ENPEP: variants seen among roughly 807,000 people sequenced by gnomAD.
ENPEP encodes the protein glutamyl aminopeptidase.
ENPEP carries 103 observed loss-of-function variants against 114.5 expected under a neutral mutation model. The ratio of observed to expected loss-of-function variants is 0.90; its 90% CI spans 0.77 to 1.06. ENPEP has a LOEUF of 1.06. Ranked by LOEUF, ENPEP falls within the 50% of genes least tolerant of loss-of-function variation. The pLI, the probability that ENPEP is intolerant of heterozygous loss-of-function variation, is 0.00. For missense variants in ENPEP, 1,196 were observed against 1,161.3 expected (o/e 1.03, Z -0.43); for synonymous variants, 420 against 422.0 (o/e 1.00, Z 0.06).
intron 10 of ENPEP, among the ~76,000 whole-genome samples, chr4:110,528,694 C>A (rs376788201): frequency 5.3e-5 from 8 of 152,260 alleles, no homozygotes; most frequent in African/African-American, 1.9e-4. Context: ...AGCATATGTG[C>A]CTTTGATAGT....
rs1458006471 is a variant in ENPEP at position 110,476,730 on chromosome 4, G to A, written c.316G>A (p.Val106Met). The change falls in exon 1 of 20, where the codon GTG (valine) becomes ATG (methionine). Residue 106 changes from valine to methionine, a missense_variant. Coordinates refer to ENST00000265162, the MANE Select transcript of ENPEP (RefSeq NM_001977.4). ...CAACCCAGTCCACTACGACCTGCACGTGAAGCCCCTGTTGGAGGAGGACAC... is the reference window on the plus strand; with the variant it reads ...CAACCCAGTCCACTACGACCTGCACATGAAGCCCCTGTTGGAGGAGGACAC... ...FVNPVHYDLH[V>M]KPLLEEDTYT... 8.1e-6 allele frequency: 13 copies of A among 1,613,956 alleles called. No homozygotes were observed. The highest frequency in any genetic ancestry group is 1.1e-5 in the Non-Finnish European group (13 of 1,180,056).
chr4:110,490,552 G>A (rs1014084656), intron 2 of ENPEP, among the ~76,000 whole-genome samples: 3 of 152,168 alleles, frequency 2.0e-5, no homozygotes, highest in African/African-American at 4.8e-5. Flanking sequence ...CATGGAGACC[G>A]AGCCACTGAC....
intron 17 of ENPEP, among the ~76,000 whole-genome samples, chr4:110,551,024 C>G (rs995476252): frequency 3.3e-5 from 5 of 149,334 alleles, no homozygotes; most frequent in Non-Finnish European, 7.4e-5. Flanking sequence ...GAGGCCGAGG[C>G]AGGAGGTTTT....
chr4:110,549,582 C>G lies in ENPEP; in HGVS notation c.2280C>G (p.Ala760=), dbSNP rs1440454935. Residue 760 remains alanine (A), a synonymous_variant, in exon 16 of 20, where the codon GCC becomes GCG. Coordinates refer to ENST00000265162, the MANE Select transcript of ENPEP (RefSeq NM_001977.4). The part of the protein sequence containing the change: ...GFACKMGDRE[A]LNNASSLFEQ... ...CGTGCAAGATGGGAGACAGAGAAGC[C>G]TTGAACAATGCTTCCTCGTTATTTG... 1.9e-6 allele frequency: 3 copies of G among 1,613,654 alleles called. No homozygotes were observed. The highest frequency in any genetic ancestry group is 1.1e-5 in the South Asian group (1 of 91,078).
At chr4:110,543,266 G>A (rs545522942) in intron 13 of ENPEP, among the ~76,000 whole-genome samples, 196 bp downstream of exon 13, 1 of 152,042 alleles carries the variant, frequency 6.6e-6, no homozygotes, top group Non-Finnish European at 1.5e-5. Flanking sequence ...ACTGACATTA[G>A]CCCTTAAGGT....
rs762769506 is a variant in ENPEP, at chr4:110,513,413, A to G, written c.1309-2A>G. On this transcript the variant is annotated splice_acceptor_variant, in intron 6 of 19. Transcript: ENST00000265162. LOFTEE classifies it high-confidence loss of function. ...TTCCTTTGGCTCATTCTTTCATTTC[A>G]GCGTGACCAAATGTTACTTGAAGAT... 21 of 1,610,850 alleles carry G rather than the reference A, an allele frequency of 1.3e-5. No homozygotes were observed.
intron 7 of ENPEP, among the ~76,000 whole-genome samples, chr4:110,515,041 ATG>A (rs1214458016): frequency 1.3e-5 from 2 of 152,162 alleles, no homozygotes; most frequent in Non-Finnish European, 2.9e-5. Flanking sequence ...TCATCAAAGA[ATG>A]TGATTTTTTA....
intron 1 of ENPEP, among the ~76,000 whole-genome samples, chr4:110,480,740 G>A (rs1724283050): frequency 1.3e-5 from 2 of 152,122 alleles, no homozygotes; most frequent in South Asian, 4.2e-4. Flanking sequence ...GGGAAGAAAG[G>A]GGACAAAATT....
At chr4:110,559,606 C>A in intron 18 of ENPEP, 41 bp from the exon 19 acceptor site, 1 of 1,337,344 alleles carries the variant, frequency 7.5e-7, no homozygotes, top group Non-Finnish European at 1.1e-6. Flanking sequence ...ATGTAACATT[C>A]TGAGCACTTA....
intron 11 of ENPEP, among the ~76,000 whole-genome samples, chr4:110,538,793 T>C (rs1239185699): frequency 6.6e-6 from 1 of 152,042 alleles, no homozygotes; most frequent in Admixed American, 6.6e-5. Context: ...TTGAGGCCAT[T>C]GAAGAATGAT....
chr4:110,542,099 G>A (rs1487030783), intron 11 of ENPEP, among the ~76,000 whole-genome samples: 4 of 151,980 alleles, frequency 2.6e-5, no homozygotes, highest in East Asian at 1.9e-4. Flanking sequence ...GGAAGTAGAC[G>A]GCTTTACAAA....
chr4:110,512,571 A>C (rs931263997), intron 6 of ENPEP: 2 of 152,242 alleles, frequency 1.3e-5, no homozygotes, highest in Non-Finnish European at 2.9e-5. Flanking sequence ...AAATATTTTT[A>C]ATTAAGTAGA....
intron 8 of ENPEP, among the ~76,000 whole-genome samples, chr4:110,516,183 A>G (rs1725760383): frequency 6.6e-6 from 1 of 152,170 alleles, no homozygotes; most frequent in African/African-American, 2.4e-5. Context: ...TGCTTATTAC[A>G]ATGGAGTCAG....
intron 1 of ENPEP, among the ~76,000 whole-genome samples, chr4:110,486,065 T>G (rs1578390572): frequency 6.6e-6 from 1 of 152,308 alleles, no homozygotes; most frequent in East Asian, 1.9e-4. Context: ...CCCCCTGGAT[T>G]TGGCATCCAC....
intron 1 of ENPEP, among the ~76,000 whole-genome samples, chr4:110,483,329 G>A (rs536869841): frequency 5.9e-5 from 9 of 152,274 alleles, no homozygotes; most frequent in African/African-American, 1.9e-4. Context: ...CGAATCAGAA[G>A]CTCTGTGTTT....
Position 110,506,583 on chromosome 4 carries a change from AT to A in ENPEP, c.919-50del, listed in dbSNP as rs539894648. The A allele has an allele frequency of 4.8e-3, 7,365 of 1,544,812 alleles. 23 individuals carry two copies. The highest frequency in any genetic ancestry group is 6.0e-3 in the Non-Finnish European group (6,867 of 1,143,598). On this transcript the variant is annotated intron_variant, in intron 3 of 19. Transcript: ENST00000265162. The stretch of plus-strand genomic sequence containing the variant: ...GTATGTTATGCATCACAGTTTTTGT[AT>A]TTTGTTGAATGAAGAATAATTTTCA...
intron 3 of ENPEP, among the ~76,000 whole-genome samples, chr4:110,492,452 G>C (rs775111942): frequency 5.3e-5 from 8 of 152,142 alleles, no homozygotes; most frequent in Non-Finnish European, 1.0e-4. Context: ...ATTTGCCTTT[G>C]CTTTGGTGTG....
At chr4:110,504,977 C>T (rs779541972) in intron 3 of ENPEP, among the ~76,000 whole-genome samples, 66 of 152,244 alleles carry the variant, frequency 4.3e-4, no homozygotes, top group Middle Eastern at 3.4e-3. Flanking sequence ...AACAGTGGAG[C>T]GGGTCAAGAG....
chr4:110,492,011 G>A (rs373098310), intron 3 of ENPEP, among the ~76,000 whole-genome samples: 7 of 152,176 alleles, frequency 4.6e-5, no homozygotes, highest in South Asian at 4.2e-4. Flanking sequence ...ATGAGCCACC[G>A]AGCCTGGCCC....
Sources: allele counts gnomAD v4.1 joint callset (sites outside exome capture counted in the v4.1 genomes callset), GRCh38; gene constraint gnomAD v4.1.1; transcripts MANE v1.5; gene names NCBI Gene and HGNC (gene_info 2026-07-23, HGNC 2026-07-21).